Variants in ECE1 observed in about 807,000 individuals in gnomAD.
The protein encoded by ECE1 is endothelin-converting enzyme 1.
ECE1 carries 35 observed loss-of-function variants against 98.6 expected under a neutral mutation model. That is an observed-to-expected ratio of 0.35 (90% CI 0.27 to 0.47). The LOEUF (loss-of-function observed/expected upper bound fraction) is 0.47, where lower values mean the gene tolerates loss of function less well. ECE1 is among the 20% of genes least tolerant of loss of function. The pLI, the probability that ECE1 is intolerant of heterozygous loss-of-function variation, is 1.00. For synonymous variants in ECE1, 394 were observed against 407.1 expected, an observed-to-expected ratio of 0.97 and a Z score of 0.39; for missense variants, 814 against 1,025.3, an observed-to-expected ratio of 0.79 and a Z score of 2.81.
At chr1:21,254,383 C>T (rs2098217228) in intron 8 of ECE1, among the ~76,000 whole-genome samples, 1 of 152,092 alleles carries the variant, frequency 6.6e-6, no homozygotes, top group Non-Finnish European at 1.5e-5. Context: ...TGAATCTAAG[C>T]CCAGGGCTTG....
Position 21,345,447 on chromosome 1 carries a change from C to T in ECE1, c.-69G>A. 1.6e-6 allele frequency: 2 copies of T among 1,277,226 alleles called. No homozygotes were observed. The highest frequency in any genetic ancestry group is 2.0e-6 in the Non-Finnish European group (2 of 995,948). 79.1% of individuals were successfully genotyped at this position (1,277,226 alleles called of 1,614,324 possible). On this transcript the variant is annotated 5_prime_UTR_variant, in exon 1 of 19. Transcript: ENST00000415912. The surrounding 1 kb of genome is among the most constrained non-coding windows in gnomAD (Gnocchi z 5.1). The stretch of plus-strand genomic sequence containing the variant: ...GGCTCCCGATTCCCAGCTCCGGGTT[C>T]CCTGCTCCCAGCCCAGCTGCTCGGA...
rs183306468 is a variant in ECE1 at position 21,238,940 on chromosome 1, G to A, written c.1279-696C>T. On this transcript the variant is annotated intron_variant, in intron 10 of 18. Coordinates refer to ENST00000374893, the MANE Select transcript of ECE1 (RefSeq NM_001397.3). ...AGTGATCTTCCCACCTTAGCCTCCC[G>A]AGTAGCTGGGACAACAGGTGCAGGC... Among the ~76,000 whole-genome samples, 425 of 151,942 alleles carry A rather than the reference G, an allele frequency of 2.8e-3. 1 individual carries two copies. Among genetic ancestry groups the A allele is most frequent in the Middle Eastern group, 0.027 (8 of 294 alleles).
At chr1:21,291,995 A>G (rs1033120392), upstream of ECE1, among the ~76,000 whole-genome samples, 3 of 149,364 alleles carry the variant, frequency 2.0e-5, no homozygotes, top group Admixed American at 1.3e-4. Flanking sequence ...TTTATATATT[A>G]TATATTTTTA....
In ECE1 at chr1:21,345,494, G is replaced by A. The variant is rs928566875; in HGVS notation, c.-116C>T. 3.3e-5 allele frequency: 34 copies of A among 1,033,640 alleles called. No homozygotes were observed. The Admixed American group carries it at 4.5e-4, about 14-fold the overall frequency. The allele number at this position is 1,033,640 out of a possible 1,614,324, so 64.0% of individuals were successfully genotyped here. A position where few individuals can be genotyped will look rare whatever the true frequency, so the allele number is the denominator to read the frequency against. On this transcript the variant is annotated 5_prime_UTR_variant, in exon 1 of 19. Transcript: ENST00000415912. The surrounding 1 kb of genome is among the most constrained non-coding windows in gnomAD (Gnocchi z 5.1). ...CGGACGGCTCGGCTGCCTGGCCCAG[G>A]CGGCGCGCTCAGCTCCAGCGGGCGA...
chr1:21,246,928 G>A (rs1381705614), intron 9 of ECE1, among the ~76,000 whole-genome samples: 2 of 152,194 alleles, frequency 1.3e-5, no homozygotes, highest in African/African-American at 4.8e-5. Flanking sequence ...CAAAAGTCCC[G>A]CAATTACGGG....
chr1:21,304,423 G>A (rs1638553884), intron 1 of ECE1, among the ~76,000 whole-genome samples: 1 of 151,218 alleles, frequency 6.6e-6, no homozygotes, highest in African/African-American at 2.4e-5. Flanking sequence ...CAGGCCACGA[G>A]TCCCTGGGGT....
At chr1:21,310,971 C>T (rs1638711236) in intron 1 of ECE1, among the ~76,000 whole-genome samples, 2 of 152,224 alleles carry the variant, frequency 1.3e-5, no homozygotes, top group South Asian at 4.1e-4. Context: ...TCACCCACCC[C>T]TCAGGAGGCA....
In ECE1 at chr1:21,319,717, C is replaced by T. The variant is rs908062134; in HGVS notation, c.3+25659G>A. On this transcript the variant is annotated intron_variant, in intron 1 of 18. Coordinates refer to the ECE1 transcript ENST00000415912. The surrounding 1 kb of genome is among the most constrained non-coding windows in gnomAD (Gnocchi z 4.4). ...ATTCTCGCCACTCCCTACCAGGCAC[C>T]GGGAGGCACGGCTCACTGTTCCCTA... is the stretch of plus-strand genomic sequence containing the variant. Among the ~76,000 whole-genome samples the T allele has an allele frequency of 3.3e-5, 5 of 152,186 alleles. No individual in the cohort carries two copies. Among genetic ancestry groups the T allele is most frequent in the Admixed American group, 2.6e-4 (4 of 15,274 alleles).
intron 1 of ECE1, among the ~76,000 whole-genome samples, chr1:21,333,227 G>A (rs911674184): frequency 3.3e-5 from 5 of 152,034 alleles, no homozygotes; most frequent in African/African-American, 4.8e-5. Flanking sequence ...GCAGAAGGTG[G>A]GGGGAGCTGC....
intron 1 of ECE1, among the ~76,000 whole-genome samples, chr1:21,323,427 T>C (rs952535046): frequency 2.0e-5 from 3 of 152,192 alleles, no homozygotes; most frequent in South Asian, 2.1e-4. Flanking sequence ...GTGTTAGCAC[T>C]GTTCTCGACA....
In ECE1 at chr1:21,235,256, G is replaced by T. The variant is rs530931712; in HGVS notation, c.1566+594C>A. Among the ~76,000 whole-genome samples, 1 of 152,290 alleles carries T rather than the reference G, an allele frequency of 6.6e-6. No individual in the cohort carries two copies. The highest frequency in any genetic ancestry group is 1.5e-5 in the Non-Finnish European group (1 of 68,010). On this transcript the variant is annotated intron_variant, in intron 13 of 18. Coordinates refer to ENST00000374893, the MANE Select transcript of ECE1 (RefSeq NM_001397.3). The surrounding 1 kb of genome is among the most constrained non-coding windows in gnomAD (Gnocchi z 4.2). ...CACAATCCACCTAACTGAGTGATTT[G>T]CCAAAAGTTCTAATAAGCAGGGATG...
intron 10 of ECE1, among the ~76,000 whole-genome samples, chr1:21,244,366 G>A (rs188330793): frequency 3.9e-5 from 6 of 152,180 alleles, no homozygotes; most frequent in East Asian, 1.9e-4. Flanking sequence ...AGCCTGGCAC[G>A]CGATGGCAGG....
At chr1:21,264,253 T>C (rs2098230881) in intron 4 of ECE1, among the ~76,000 whole-genome samples, 1 of 151,658 alleles carries the variant, frequency 6.6e-6, no homozygotes, top group Non-Finnish European at 1.5e-5. Flanking sequence ...GGGGAGTCTG[T>C]AGAGTGCATT....
chr1:21,343,159 C>T (rs762935501), intron 1 of ECE1, among the ~76,000 whole-genome samples: 10 of 152,154 alleles, frequency 6.6e-5, no homozygotes, highest in Non-Finnish European at 1.3e-4. Context: ...CCCTGCCTGG[C>T]ATATTTCTAC....
Position 21,218,227 on chromosome 1 carries a change from A to T in ECE1, c.*1728T>A, listed in dbSNP as rs1465280367. On this transcript the variant is annotated 3_prime_UTR_variant, in exon 19 of 19. Coordinates refer to ENST00000374893, the MANE Select transcript of ECE1 (RefSeq NM_001397.3). The surrounding 1 kb of genome is among the most constrained non-coding windows in gnomAD (Gnocchi z 4.0). ...CCATCTAGCTGCAAGTACTATCTTG[A>T]TTCAACCCAGGGGCCGACAATGGAC... 6.6e-6 allele frequency: 1 copy of T among 152,282 alleles called. No individual in the cohort carries two copies. The highest frequency in any genetic ancestry group is 1.5e-5 in the Non-Finnish European group (1 of 68,116). 9.4% of individuals were successfully genotyped at this position (152,282 alleles called of 1,614,324 possible).
chr1:21,257,595 C>T lies in ECE1; in HGVS notation c.763-5G>A. On this transcript the variant is annotated splice_region_variant and splice_polypyrimidine_tract_variant and intron_variant, in intron 6 of 18. Coordinates refer to ENST00000374893, the MANE Select transcript of ECE1 (RefSeq NM_001397.3). ...GCCCAGGCCAGACTGGTCCACCTGG[C>T]AAGAGAAGCAGGCATGAGAGGGAAT... 1.2e-6 allele frequency: 2 copies of T among 1,614,228 alleles called. No individual in the cohort carries two copies. Among genetic ancestry groups the T allele is most frequent in the Non-Finnish European group, 1.7e-6 (2 of 1,180,028 alleles).
At position 21,258,964 on chromosome 1, in the gene ECE1, G is replaced by A; in HGVS notation, c.616-125C>T. 7.4e-7 allele frequency: 1 copy of A among 1,358,694 alleles called. No individual in the cohort carries two copies. The highest frequency in any genetic ancestry group is 1.0e-6 in the Non-Finnish European group (1 of 990,614). The allele number at this position is 1,358,694 out of a possible 1,614,324, so 84.2% of individuals were successfully genotyped here. On this transcript the variant is annotated intron_variant, in intron 5 of 18. Transcript: ENST00000374893. This position sits in a 1 kb window ranked among gnomAD's most constrained non-coding sequence, Gnocchi z 4.2. ...GTCGCCTGACCTCTCTGAGCCTCAA[G>A]AGCAAAGGAAAGGATTGGTCTTCAT...
chr1:21,323,939 C>G (rs1639018392), intron 1 of ECE1, among the ~76,000 whole-genome samples: 1 of 151,890 alleles, frequency 6.6e-6, no homozygotes, highest in South Asian at 2.1e-4. Flanking sequence ...CTGCCTCAGC[C>G]TCCTTGAGTA....
intron 1 of ECE1, among the ~76,000 whole-genome samples, chr1:21,300,979 CA>C (rs1364797476): frequency 6.6e-6 from 1 of 152,174 alleles, no homozygotes; most frequent in Non-Finnish European, 1.5e-5. Flanking sequence ...ACAATAATGG[CA>C]AACTTGCTCC....
Sources: gnomAD v4.1 joint callset for allele counts (sites outside exome capture counted in the v4.1 genomes callset) on GRCh38, gnomAD v4.1.1 for gene constraint, Gnocchi (gnomAD v3.1) non-coding constraint, MANE v1.5 for transcripts, NCBI Gene and HGNC (gene_info 2026-07-23, HGNC 2026-07-21) for gene names.